Variants in ZNF235 observed in about 807,000 individuals in gnomAD.
The protein encoded by ZNF235 is zinc finger protein 235.
Under a neutral mutation model 29.4 loss-of-function variants are expected in ZNF235, and 25 were observed. That is an observed-to-expected ratio of 0.85 (90% confidence interval 0.62 to 1.19). ZNF235 has a LOEUF of 1.19. ZNF235 is among the 50% of genes most tolerant of loss of function. The probability of loss-of-function intolerance (pLI) is 0.00; values close to 1 mark genes in which losing one functional copy is unlikely to be tolerated. For synonymous variants in ZNF235, 300 were observed against 295.3 expected, an observed-to-expected ratio of 1.02 and a Z score of -0.16; for missense variants, 788 against 885.0, an observed-to-expected ratio of 0.89 and a Z score of 1.39.
Position 44,288,363 on chromosome 19 carries a change from G to T in ZNF235, c.1072C>A (p.Gln358Lys), listed in dbSNP as rs1363291461. The T allele has an allele frequency of 6.2e-7, 1 of 1,613,740 alleles. No homozygotes were observed. Among genetic ancestry groups the T allele is most frequent in the Non-Finnish European group, 8.5e-7 (1 of 1,179,932 alleles). Residue 358 changes from glutamine to lysine, a missense_variant, in exon 5 of 5, where the codon CAG becomes AAG. Physicochemically the swap from Gln to Lys is moderately conservative, Grantham distance 53. Coordinates refer to ENST00000291182, the MANE Select transcript of ZNF235 (RefSeq NM_004234.4). The part of the protein sequence containing the change: ...TCHECGKSFN[Q>K]SSHLYAHLPI... ...AAATGAGCATAAAGATGTGAGCTCT[G>T]ATTAAAGCTCTTACCACACTCGTGG...
intron 1 of ZNF235, among the ~76,000 whole-genome samples, chr19:44,304,406 A>C (rs934302188): frequency 1.1e-4 from 16 of 152,182 alleles, no homozygotes; most frequent in Admixed American, 1.0e-3. Flanking sequence ...CCTGTCTCCT[A>C]AACAAGAGGC....
chr19:44,303,111 T>A (rs10408263), intron 2 of ZNF235, among the ~76,000 whole-genome samples: 4,267 of 140,796 alleles, frequency 0.03, 170 homozygotes, highest in African/African-American at 0.09. Flanking sequence ...CGTATATTTC[T>A]TATAAATATA....
rs1239660807 is a variant in ZNF235 at position 44,302,980 on chromosome 19, ATT to A, written c.15+408_15+409del. The stretch of plus-strand genomic sequence containing the variant: ...TAAATATATACGTATATATGTATAT[ATT>A]TATATATAAATATATACATATATAC... On this transcript the variant is annotated intron_variant, in intron 2 of 4. Coordinates refer to ENST00000291182, the MANE Select transcript of ZNF235 (RefSeq NM_004234.4). Among the ~76,000 whole-genome samples the A allele has an allele frequency of 5.7e-5, 7 of 123,086 alleles. No homozygotes were observed. The East Asian group carries it at 6.2e-4, about 11-fold the overall frequency. 80.7% of individuals were successfully genotyped at this position (123,086 alleles called of 152,430 possible). A position where few individuals can be genotyped will look rare whatever the true frequency, so the allele number is the denominator to read the frequency against.
At position 44,287,693 on chromosome 19, in the gene ZNF235, C is replaced by T; in HGVS notation, c.1742G>A (p.Ser581Asn). The T allele has an allele frequency of 6.2e-7, 1 of 1,614,114 alleles. No homozygotes were observed. The highest frequency in any genetic ancestry group is 8.5e-7 in the Non-Finnish European group (1 of 1,180,000). ...YKCEECGKGF[S>N]QASNLQAHQS... ...ATGGGCTTGAAGATTTGAAGCCTGA[C>T]TGAAACCCTTACCACACTCTTCACA... The change falls in exon 5 of 5, where the codon AGT (serine) becomes AAT (asparagine). Residue 581 changes from serine (S) to asparagine (N), a missense_variant. By Grantham distance (46) the Ser-to-Asn change is conservative (BLOSUM62 1). Coordinates refer to ENST00000291182, the MANE Select transcript of ZNF235 (RefSeq NM_004234.4).
intron 4 of ZNF235, chr19:44,289,455 G>A: frequency 2.7e-6 from 1 of 367,376 alleles, no homozygotes. Flanking sequence ...TTCTGAGTAT[G>A]AGTCTTGCTG....
chr19:44,287,417 T>G lies in ZNF235; in HGVS notation c.2018A>C (p.His673Pro). ...EFSWSAGLSA[H>P]QRVHTGEKPY... is the part of the protein sequence containing the mutation. The stretch of plus-strand genomic sequence containing the variant: ...TTTCTCTCCTGTGTGGACCCTCTGA[T>G]GGGCACTGAGACCAGCACTCCAACT... Residue 673 changes from histidine to proline, a missense_variant, in exon 5 of 5, where the codon CAT (histidine) becomes CCT (proline). Transcript: ENST00000291182. The G allele has an allele frequency of 6.2e-7, 1 of 1,614,112 alleles. No homozygotes were observed. Among genetic ancestry groups the G allele is most frequent in the Non-Finnish European group, 8.5e-7 (1 of 1,180,010 alleles).
rs750677390 is a variant in ZNF235, at chr19:44,289,145, C to T, written c.290G>A (p.Cys97Tyr). Residue 97 changes from cysteine (C) to tyrosine (Y), a missense_variant, in exon 5 of 5, where the codon TGC becomes TAC. Transcript: ENST00000291182. ...MATLHKAGLR[C>Y]FSLGELSCWQ... ...GCATGAAAGCTCTCCCAGTGAAAAGCACCTTAATCCTGCTTTGTGAAGAGT... is the reference window on the plus strand; with the variant it reads ...GCATGAAAGCTCTCCCAGTGAAAAGTACCTTAATCCTGCTTTGTGAAGAGT... The T allele has an allele frequency of 6.2e-7, 1 of 1,614,022 alleles. No individual in the cohort carries two copies.
chr19:44,293,636 A>C (rs996548494), intron 4 of ZNF235, among the ~76,000 whole-genome samples: 1 of 152,142 alleles, frequency 6.6e-6, no homozygotes, highest in East Asian at 1.9e-4. Flanking sequence ...TGATTAGTGC[A>C]TGGAGCATTC....
At chr19:44,295,772 C>T (rs1975646021) in intron 4 of ZNF235, among the ~76,000 whole-genome samples, 2 of 151,926 alleles carry the variant, frequency 1.3e-5, no homozygotes, top group Admixed American at 1.3e-4. Flanking sequence ...AAAAGAGAAC[C>T]CAGAAATAAG....
At position 44,287,835 on chromosome 19, in the gene ZNF235, G is replaced by A. The variant is rs765216757; in HGVS notation, c.1600C>T (p.Gln534Ter). 1 of 1,613,778 alleles carries A rather than the reference G, an allele frequency of 6.2e-7. No homozygotes were observed. The highest frequency in any genetic ancestry group is 1.3e-5 in the African/African-American group (1 of 74,916). Residue 534 changes from glutamine (Q) to a stop codon, truncating the protein, a stop_gained, in exon 5 of 5, where the codon CAG becomes TAG. Transcript: ENST00000291182. LOFTEE classifies it high-confidence loss of function. ...GGTTTTTCTCCAGTGTGGACTCTCT[G>A]ATGTGCTTGAAAGTATGAACTCTGA... is the stretch of plus-strand genomic sequence containing the variant. ...FSQSSYFQAHQRVHTGEKPYK... is the reference protein window; with the variant it reads ...FSQSSYFQAH
At chr19:44,295,185 A>C (rs1975638003) in intron 4 of ZNF235, among the ~76,000 whole-genome samples, 1 of 152,094 alleles carries the variant, frequency 6.6e-6, no homozygotes, top group Admixed American at 6.5e-5. Context: ...ATACCTACAA[A>C]TCCCTAAAGA....
chr19:44,298,791 G>A lies in ZNF235; in HGVS notation c.238+17C>T, dbSNP rs75021487. On this transcript the variant is annotated intron_variant, in intron 4 of 4. Coordinates refer to ENST00000291182, the MANE Select transcript of ZNF235 (RefSeq NM_004234.4). Reference sequence around the variant, plus strand: ...AATAACAGCTGTTAACTACGATTCCGGCTGCACAGTACTCACCTGAATGCT... The same window carrying A: ...AATAACAGCTGTTAACTACGATTCCAGCTGCACAGTACTCACCTGAATGCT... 7,947 of 1,568,300 alleles carry A rather than the reference G, an allele frequency of 5.1e-3. 68 individuals carry two copies. The highest frequency in any genetic ancestry group is 0.026 in the South Asian group (2,303 of 87,868).
Position 44,299,734 on chromosome 19 carries a change from T to A in ZNF235, c.16-2A>T, listed in dbSNP as rs1346700384. The A allele has an allele frequency of 1.2e-6, 2 of 1,613,794 alleles. No homozygotes were observed. The highest frequency in any genetic ancestry group is 1.7e-6 in the Non-Finnish European group (2 of 1,179,922). On this transcript the variant is annotated splice_acceptor_variant, in intron 2 of 4. Transcript: ENST00000291182. LOFTEE classifies it high-confidence loss of function. ...CACATCCTTGAATGTCACTGCCTCC[T>A]AGAACATCAAGCACATGTAACCTCA...
Position 44,287,440 on chromosome 19 carries a change from A to G in ZNF235, c.1995T>C (p.Ser665=). Residue 665 remains serine, a synonymous_variant, in exon 5 of 5, where the codon AGT becomes AGC. Coordinates refer to ENST00000291182, the MANE Select transcript of ZNF235 (RefSeq NM_004234.4). ...FKCEECGKEF[S]WSAGLSAHQR... ...GATGGGCACTGAGACCAGCACTCCAACTGAATTCTTTCCCACATTCCTCAC... is the reference window on the plus strand; with the variant it reads ...GATGGGCACTGAGACCAGCACTCCAGCTGAATTCTTTCCCACATTCCTCAC... The G allele has an allele frequency of 6.2e-7, 1 of 1,614,034 alleles. No individual in the cohort carries two copies. The highest frequency in any genetic ancestry group is 1.7e-4 in the Middle Eastern group (1 of 6,060).
rs866271421 is a variant in ZNF235 at position 44,287,459 on chromosome 19, T to G, written c.1976A>C (p.Glu659Ala). 6.2e-7 allele frequency: 1 copy of G among 1,613,942 alleles called. No homozygotes were observed. Among genetic ancestry groups the G allele is most frequent in the Non-Finnish European group, 8.5e-7 (1 of 1,179,976 alleles). ...ACTCCAACTGAATTCTTTCCCACATTCCTCACATTTAAATGGTTTCTCTCC... is the reference window on the plus strand; with the variant it reads ...ACTCCAACTGAATTCTTTCCCACATGCCTCACATTTAAATGGTTTCTCTCC... Reference protein sequence around the residue: ...HTGEKPFKCEECGKEFSWSAG... With the variant: ...HTGEKPFKCEACGKEFSWSAG... The change falls in exon 5 of 5, where the codon GAA (glutamate) becomes GCA (alanine). Residue 659 changes from glutamate to alanine, a missense_variant. Physicochemically the swap from Glu to Ala is moderately radical, Grantham distance 107. Coordinates refer to ENST00000291182, the MANE Select transcript of ZNF235 (RefSeq NM_004234.4).
intron 4 of ZNF235, among the ~76,000 whole-genome samples, chr19:44,298,583 G>T (rs1568646013): frequency 2.0e-5 from 3 of 152,006 alleles, no homozygotes; most frequent in Non-Finnish European, 4.4e-5. Flanking sequence ...GTAGAGACAG[G>T]GTTTTGCTAT....
intron 2 of ZNF235, 42 bp from the exon 3 acceptor site, chr19:44,299,774 G>A (rs200001539): frequency 3.7e-6 from 6 of 1,612,390 alleles, no homozygotes; most frequent in Non-Finnish European, 5.1e-6. Flanking sequence ...CACACCCAAT[G>A]GCCACTGGCA....
At position 44,287,566 on chromosome 19, in the gene ZNF235, TC is replaced by T; in HGVS notation, c.1868del (p.Gly623GlufsTer25). The T allele has an allele frequency of 6.2e-7, 1 of 1,614,196 alleles. No homozygotes were observed. The highest frequency in any genetic ancestry group is 1.1e-5 in the South Asian group (1 of 91,088). The part of the protein sequence containing the change: ...HLQAHQRVHT[G>X]EKPYKCDTCG... ...AAGTGTCACATTTATATGGTTTCTC[TC>T]CGGTGTGGACTCTCTGATGGGCTTG... On this transcript the variant is annotated frameshift_variant, in exon 5 of 5. Transcript: ENST00000291182. LOFTEE classifies it high-confidence loss of function.
chr19:44,287,792 C>T lies in ZNF235; in HGVS notation c.1643G>A (p.Cys548Tyr), dbSNP rs551265483. ...CAAGCTCCAATTGAAGCGCTTCCCA[C>T]ACACTTCACATTTGTATGGTTTTTC... ...TGEKPYKCEV[C>Y]GKRFNWSLNL... Residue 548 changes from cysteine to tyrosine, a missense_variant, in exon 5 of 5, where the codon TGT becomes TAT. Physicochemically the swap from Cys to Tyr is radical, Grantham distance 194. Coordinates refer to ENST00000291182, the MANE Select transcript of ZNF235 (RefSeq NM_004234.4). 6.2e-7 allele frequency: 1 copy of T among 1,614,024 alleles called. No homozygotes were observed. The highest frequency in any genetic ancestry group is 1.3e-5 in the African/African-American group (1 of 74,904).
Sources: gnomAD v4.1 joint callset for allele counts (sites outside exome capture counted in the v4.1 genomes callset) on GRCh38, gnomAD v4.1.1 for gene constraint, MANE v1.5 for transcripts, NCBI Gene and HGNC (gene_info 2026-07-23, HGNC 2026-07-21) for gene names.